Variants in ASTN2 observed in about 807,000 individuals in gnomAD.
ASTN2 encodes astrotactin 2.
Under a neutral mutation model 139.8 loss-of-function variants are expected in ASTN2, and 54 were observed. The observed-to-expected ratio is 0.39, with a 90% CI of 0.31 to 0.48. ASTN2 has a LOEUF of 0.48. ASTN2 is among the 20% of genes least tolerant of loss of function. The pLI, the probability that ASTN2 is intolerant of heterozygous loss-of-function variation, is 0.95. For missense variants in ASTN2, 1,565 were observed against 1,725.1 expected, an observed-to-expected ratio of 0.91 and a Z score of 1.64; for synonymous variants, 756 against 719.5, an observed-to-expected ratio of 1.05 and a Z score of -0.81.
chr9:117,141,209 T>C (rs1830066873), intron 4 of ASTN2, 117 bp downstream of exon 4: 4 of 1,102,094 alleles, frequency 3.6e-6, no homozygotes, highest in Non-Finnish European at 4.8e-6. Context: ...AGGGAGAAAG[T>C]GGCACAAGTT....
intron 13 of ASTN2, among the ~76,000 whole-genome samples, chr9:116,788,465 T>A (rs1830438884): frequency 6.6e-6 from 1 of 152,110 alleles, no homozygotes; most frequent in Admixed American, 6.5e-5. Context: ...TACATTAAAA[T>A]ATATATTAAA....
intron 6 of ASTN2, among the ~76,000 whole-genome samples, chr9:117,015,647 T>C (rs542182515): frequency 7.0e-4 from 106 of 152,236 alleles, no homozygotes; most frequent in African/African-American, 2.4e-3. Context: ...ATAATACCCA[T>C]AAAGTGTGTG....
intron 19 of ASTN2, among the ~76,000 whole-genome samples, chr9:116,534,397 C>T (rs1022934438): frequency 7.9e-5 from 12 of 152,110 alleles, no homozygotes; most frequent in African/African-American, 2.9e-4. Context: ...TTCTTGCCTT[C>T]TGCTAGTTTT....
At chr9:116,508,438 C>G (rs776563253) in intron 19 of ASTN2, among the ~76,000 whole-genome samples, 1 of 152,084 alleles carries the variant, frequency 6.6e-6, no homozygotes, top group Non-Finnish European at 1.5e-5. Flanking sequence ...ATGTGTTCAA[C>G]AGGACCAGTC....
chr9:117,293,441 T>C (rs565009531), intron 1 of ASTN2, among the ~76,000 whole-genome samples: 4 of 127,596 alleles, frequency 3.1e-5, no homozygotes, highest in African/African-American at 1.0e-4. Flanking sequence ...GGTGAGAACA[T>C]AGTAAGTTAT....
At chr9:117,120,981 T>TAA in intron 4 of ASTN2, among the ~76,000 whole-genome samples, 1 of 152,238 alleles carries the variant, frequency 6.6e-6, no homozygotes, top group African/African-American at 2.4e-5. Context: ...AGATGTAGTG[T>TAA]CTATGCTACA....
At chr9:116,481,209 G>A (rs73522407) in intron 20 of ASTN2, among the ~76,000 whole-genome samples, 6,248 of 152,048 alleles carry the variant, frequency 0.041, 435 homozygotes, top group African/African-American at 0.14. Context: ...GCAAAATCCC[G>A]TCTCTACAAA....
chr9:117,213,380 G>A (rs1832204559), intron 3 of ASTN2, among the ~76,000 whole-genome samples: 1 of 152,112 alleles, frequency 6.6e-6, no homozygotes, highest in African/African-American at 2.4e-5. Context: ...ATAATTTCTA[G>A]TGTCCTATAC....
intron 13 of ASTN2, among the ~76,000 whole-genome samples, chr9:116,781,776 C>A (rs149591106): frequency 1.3e-5 from 2 of 152,084 alleles, no homozygotes; most frequent in African/African-American, 4.8e-5. Context: ...TTCCGGTTAA[C>A]TTGTCATTTC....
intron 11 of ASTN2, among the ~76,000 whole-genome samples, chr9:116,846,624 G>A (rs1366879531): frequency 6.6e-6 from 1 of 152,190 alleles, no homozygotes; most frequent in Non-Finnish European, 1.5e-5. Context: ...CATTAGAGGA[G>A]TCCCACGTAA....
chr9:116,995,231 G>C (rs116080675), intron 7 of ASTN2, among the ~76,000 whole-genome samples: 185 of 152,250 alleles, frequency 1.2e-3, no homozygotes, highest in African/African-American at 4.2e-3. Context: ...TTCAAAGCCA[G>C]AACACTGGCT....
chr9:116,495,118 G>C (rs569708582), intron 19 of ASTN2, among the ~76,000 whole-genome samples: 1 of 152,294 alleles, frequency 6.6e-6, no homozygotes, highest in Admixed American at 6.5e-5. Flanking sequence ...ATGACGTAAA[G>C]ATAAGGGCTC....
rs563210786 is a variant in ASTN2, at chr9:117,216,103, A to G, written c.631-1361T>C. On this transcript the variant is annotated intron_variant, in intron 2 of 22. Transcript: ENST00000313400. ...AGGACAAATTCTGACAACTATCTGT[A>G]CAGCATCTAACAAAGATGACAGATG... Among the ~76,000 whole-genome samples the G allele has an allele frequency of 6.6e-5, 10 of 152,342 alleles. No individual in the cohort carries two copies. In the East Asian group the frequency reaches 1.5e-3, roughly 24 times the overall value.
intron 4 of ASTN2, among the ~76,000 whole-genome samples, chr9:117,103,471 T>C (rs1334366402): frequency 6.6e-6 from 1 of 152,124 alleles, no homozygotes; most frequent in African/African-American, 2.4e-5. Flanking sequence ...ATGAAAGTCA[T>C]GTTATGGAAA....
At chr9:116,939,253 G>C (rs1295542683) in intron 10 of ASTN2, among the ~76,000 whole-genome samples, 1 of 152,198 alleles carries the variant, frequency 6.6e-6, no homozygotes, top group Non-Finnish European at 1.5e-5. Context: ...CTAGCTATTA[G>C]TAGTAGTAGT....
chr9:116,563,672 T>A (rs1178524603), intron 19 of ASTN2, among the ~76,000 whole-genome samples: 5 of 152,210 alleles, frequency 3.3e-5, no homozygotes, highest in Non-Finnish European at 2.9e-5. Flanking sequence ...TGTCTTTTTT[T>A]CTGCTTTTCT....
intron 4 of ASTN2, among the ~76,000 whole-genome samples, chr9:117,114,178 T>TAAA (rs199889979): frequency 0.18 from 27,401 of 149,762 alleles, 2,706 homozygotes; most frequent in East Asian, 0.37. Context: ...TTTTTTTTTT[T>TAAA]AAAAAAAAAG....
At chr9:116,530,121 A>ATATATATG (rs1851268077) in intron 19 of ASTN2, among the ~76,000 whole-genome samples, 1 of 46,370 alleles carries the variant, frequency 2.2e-5, no homozygotes, top group Admixed American at 2.0e-4. Context: ...ATATATATAT[A>ATATATATG]TATATATATA....
At chr9:117,313,613 T>C (rs749992416) in intron 1 of ASTN2, among the ~76,000 whole-genome samples, 2 of 152,102 alleles carry the variant, frequency 1.3e-5, no homozygotes, top group South Asian at 4.1e-4. Flanking sequence ...CAGGCACAAG[T>C]TGAGGATATA....
Sources: allele counts gnomAD v4.1 joint callset (sites outside exome capture counted in the v4.1 genomes callset), GRCh38; gene constraint gnomAD v4.1.1; transcripts MANE v1.5; gene names NCBI Gene and HGNC (gene_info 2026-07-23, HGNC 2026-07-21).